Variants in ADGRB1 observed in about 807,000 individuals in gnomAD.
ADGRB1 encodes adhesion G protein-coupled receptor B1.
In ADGRB1, 36 loss-of-function variants were observed where a neutral mutation model predicts 175.7. That is an observed-to-expected ratio of 0.20 (90% confidence interval 0.16 to 0.27). The LOEUF (loss-of-function observed/expected upper bound fraction) is 0.27. Ranked by LOEUF, ADGRB1 falls within the 10% of genes least tolerant of loss-of-function variation. The pLI, the probability that ADGRB1 is intolerant of heterozygous loss-of-function variation, is 1.00. For synonymous variants in ADGRB1, 1,054 were observed against 979.4 expected, an observed-to-expected ratio of 1.08 and a Z score of -1.42; for missense variants, 1,731 against 2,255.3, an observed-to-expected ratio of 0.77 and a Z score of 4.71.
chr8:142,490,880 T>C (rs1008531191), intron 17 of ADGRB1, 65 bp downstream of exon 17: 1 of 1,529,700 alleles, frequency 6.5e-7, no homozygotes, highest in African/African-American at 1.4e-5. Context: ...GCTGGCCCAG[T>C]AGGGGAGGGG....
intron 16 of ADGRB1, among the ~76,000 whole-genome samples, chr8:142,489,704 A>G (rs1841893092): frequency 6.6e-6 from 1 of 151,994 alleles, no homozygotes; most frequent in Non-Finnish European, 1.5e-5. Flanking sequence ...TCCAGCCCCC[A>G]TTGGCCTGGT....
chr8:142,470,764 G>C (rs1467630023), intron 2 of ADGRB1, among the ~76,000 whole-genome samples: 1 of 152,154 alleles, frequency 6.6e-6, no homozygotes, highest in Admixed American at 6.5e-5. Flanking sequence ...GGCTGTGACC[G>C]GCCACGGAGA....
intron 21 of ADGRB1, 91 bp from the exon 22 acceptor site, chr8:142,522,549 TG>T: frequency 7.7e-7 from 1 of 1,298,086 alleles, no homozygotes; most frequent in Non-Finnish European, 1.1e-6. Flanking sequence ...AGCGCCTGCC[TG>T]GCCCCCGCCC....
Position 142,542,260 on chromosome 8 carries a change from C to T in ADGRB1, c.4026C>T (p.Asp1342=). ...GCCGGGCCCAGGAGAAGGCTCTGGA[C>T]ACGAGCTACGTGATCCTGCCCACGG... is the stretch of plus-strand genomic sequence containing the variant. ...ELSRAQEKAL[D]TSYVILPTAT... The change falls in exon 28 of 31, where the codon GAC becomes GAT. Residue 1342 remains aspartate (D), a synonymous_variant. Coordinates refer to ENST00000517894, the MANE Select transcript of ADGRB1 (RefSeq NM_001702.3). This position sits in a 1 kb window ranked among gnomAD's most constrained non-coding sequence, Gnocchi z 6.3. The T allele has an allele frequency of 6.2e-7, 1 of 1,613,560 alleles. No individual in the cohort carries two copies. The highest frequency in any genetic ancestry group is 8.5e-7 in the Non-Finnish European group (1 of 1,179,848).
At chr8:142,527,818 C>G (rs113556427) in intron 24 of ADGRB1, among the ~76,000 whole-genome samples, 58 of 152,340 alleles carry the variant, frequency 3.8e-4, no homozygotes, top group Non-Finnish European at 5.1e-4. Context: ...CTTAGAATAA[C>G]CATTGTGGCA....
chr8:142,515,264 G>A (rs1843350820), intron 18 of ADGRB1, among the ~76,000 whole-genome samples: 1 of 152,216 alleles, frequency 6.6e-6, no homozygotes, highest in African/African-American at 2.4e-5. Context: ...CCAGTCTCCG[G>A]CAGGGGCCCG....
At chr8:142,538,414 T>C (rs560009311) in intron 26 of ADGRB1, among the ~76,000 whole-genome samples, 2 of 152,298 alleles carry the variant, frequency 1.3e-5, no homozygotes, top group South Asian at 4.1e-4. Flanking sequence ...CATGCCTCAG[T>C]GTCTCCATCA....
intron 17 of ADGRB1, among the ~76,000 whole-genome samples, chr8:142,499,199 G>A (rs535430549): frequency 1.3e-5 from 2 of 152,224 alleles, no homozygotes; most frequent in Admixed American, 6.5e-5. Context: ...CCTCACTGGC[G>A]GGGAGGCTGT....
intron 2 of ADGRB1, among the ~76,000 whole-genome samples, chr8:142,469,456 TGTGTGTATGCACGTGCATGTGTGA>T (rs1563684790): frequency 2.9e-4 from 42 of 145,080 alleles, no homozygotes; most frequent in Admixed American, 6.1e-4. Flanking sequence ...CGTGCGTGAA[TGTGTGTATGCACGTGCATGTGTGA>T]GTGTGTATGC....
In ADGRB1 at chr8:142,481,246, C is replaced by T. The variant is rs774183938; in HGVS notation, c.1829-8C>T. 3 of 1,610,462 alleles carry T rather than the reference C, an allele frequency of 1.9e-6. No homozygotes were observed. The highest frequency in any genetic ancestry group is 2.7e-5 in the African/African-American group (2 of 74,892). On this transcript the variant is annotated splice_region_variant and splice_polypyrimidine_tract_variant and intron_variant, in intron 9 of 30. Coordinates refer to ENST00000517894, the MANE Select transcript of ADGRB1 (RefSeq NM_001702.3). Reference sequence around the variant, plus strand: ...GGCATCCACCTGAGAAGGGGATGGTCTCCCCAGGACTCATCCTGCGACGGT... The same window carrying T: ...GGCATCCACCTGAGAAGGGGATGGTTTCCCCAGGACTCATCCTGCGACGGT...
intron 3 of ADGRB1, 97 bp downstream of exon 3, chr8:142,475,732 G>GA: frequency 9.3e-7 from 1 of 1,073,358 alleles, no homozygotes. Context: ...AGGGGCCCGT[G>GA]GGGGCGGGGC....
intron 13 of ADGRB1, among the ~76,000 whole-genome samples, chr8:142,486,669 G>A (rs1268075090): frequency 2.0e-5 from 3 of 152,204 alleles, no homozygotes; most frequent in Non-Finnish European, 2.9e-5. Context: ...TGTCCAAGAC[G>A]GATCGACATT....
chr8:142,472,082 C>T (rs1587279113), intron 2 of ADGRB1, among the ~76,000 whole-genome samples: 1 of 152,202 alleles, frequency 6.6e-6, no homozygotes, highest in Non-Finnish European at 1.5e-5. Flanking sequence ...AGTCGGGAGA[C>T]CTCTGCTGGC....
intron 2 of ADGRB1, among the ~76,000 whole-genome samples, chr8:142,468,659 C>G (rs1840415183): frequency 6.6e-6 from 1 of 152,232 alleles, no homozygotes; most frequent in South Asian, 2.1e-4. Flanking sequence ...CAGCTGTTCC[C>G]TCTGCCAGGA....
At chr8:142,481,201 G>A in intron 9 of ADGRB1, 53 bp from the exon 10 acceptor site, 3 of 1,544,298 alleles carry the variant, frequency 1.9e-6, no homozygotes, top group Non-Finnish European at 2.7e-6. Context: ...CCAAGGGTGG[G>A]ATTCCTGGGC....
intron 24 of ADGRB1, among the ~76,000 whole-genome samples, chr8:142,529,193 G>A (rs1276146108): frequency 6.6e-6 from 1 of 152,242 alleles, no homozygotes; most frequent in Non-Finnish European, 1.5e-5. Flanking sequence ...AGCATGGCTA[G>A]GTGTGTGCAT....
intron 6 of ADGRB1, among the ~76,000 whole-genome samples, chr8:142,477,923 G>A (rs1470989151): frequency 1.3e-5 from 2 of 151,046 alleles, no homozygotes; most frequent in Non-Finnish European, 3.0e-5. Flanking sequence ...GCTGGGTGTG[G>A]GGTGGTGGCC....
At chr8:142,478,159 C>T in intron 6 of ADGRB1, 28 bp from the exon 7 acceptor site, 1 of 1,584,588 alleles carries the variant, frequency 6.3e-7, no homozygotes, top group African/African-American at 1.3e-5. Flanking sequence ...GGTGTTCACG[C>T]CCACTTTGTG....
At chr8:142,469,272 T>C (rs1021777455) in intron 2 of ADGRB1, among the ~76,000 whole-genome samples, 4 of 150,292 alleles carry the variant, frequency 2.7e-5, no homozygotes, top group Non-Finnish European at 6.0e-5. Context: ...TGTGTGCACG[T>C]GCAGGTGAGT....
Sources: allele counts gnomAD v4.1 joint callset (sites outside exome capture counted in the v4.1 genomes callset), GRCh38; gene constraint gnomAD v4.1.1; non-coding constraint Gnocchi (gnomAD v3.1); transcripts MANE v1.5; gene names NCBI Gene and HGNC (gene_info 2026-07-23, HGNC 2026-07-21).